The following MCM2 variants were observed in gnomAD, a reference collection of about 807,000 sequenced individuals.
The protein encoded by MCM2 is DNA replication licensing factor MCM2.
A neutral mutation model predicts 86.4 loss-of-function variants in MCM2; 49 were observed. That is an observed-to-expected ratio of 0.57 (90% CI 0.45 to 0.72). The LOEUF is 0.72. Among genes scored for constraint, MCM2 ranks in the 30% least tolerant of loss-of-function variants. The pLI is 0.00. For missense variants in MCM2, 1,038 were observed against 1,259.9 expected (o/e 0.82, Z 2.67); for synonymous variants, 475 against 484.6 (o/e 0.98, Z 0.26).
chr3:127,608,315 G>C, intron 6 of MCM2, 67 bp from the exon 7 acceptor site: 1 of 1,582,320 alleles, frequency 6.3e-7, no homozygotes, highest in Non-Finnish European at 8.6e-7. Flanking sequence ...TCTCCCTCCT[G>C]TTCGGGGGTC....
At chr3:127,621,491 G>A (rs750751885) in intron 15 of MCM2, among the ~76,000 whole-genome samples, 172 bp from the exon 16 acceptor site, 2 of 152,152 alleles carry the variant, frequency 1.3e-5, no homozygotes, top group Non-Finnish European at 2.9e-5. Context: ...CAGTTTACAC[G>A]CACAGCTTGT....
At chr3:127,598,655 G>C (rs981145119) in intron 1 of MCM2, among the ~76,000 whole-genome samples, 183 bp downstream of exon 1, 1 of 152,126 alleles carries the variant, frequency 6.6e-6, no homozygotes, top group Non-Finnish European at 1.5e-5. Flanking sequence ...CCACTGACCT[G>C]GGGCCCTGGG....
intron 8 of MCM2, among the ~76,000 whole-genome samples, chr3:127,613,795 T>C (rs952915139): frequency 6.6e-6 from 1 of 152,254 alleles, no homozygotes; most frequent in South Asian, 2.1e-4. Context: ...TAATTTATAA[T>C]GAACAGAAAT....
chr3:127,616,062 G>T (rs546121709), intron 9 of MCM2, 107 bp downstream of exon 9: 16 of 907,940 alleles, frequency 1.8e-5, no homozygotes, highest in South Asian at 5.6e-5. Flanking sequence ...TGGGGAGAAA[G>T]AATGCATTAA....
Position 127,608,942 on chromosome 3 carries a change from C to A in MCM2, c.1347C>A (p.Asn449Lys), listed in dbSNP as rs1181105984. ...ILANHVAKKD[N>K]KVAVGELTDE... ...CCAACCACGTGGCCAAGAAGGACAACAAGGTTGCTGTAGGGGAACTGACCG... is the reference window on the plus strand; with the variant it reads ...CCAACCACGTGGCCAAGAAGGACAAAAAGGTTGCTGTAGGGGAACTGACCG... Residue 449 changes from asparagine (N) to lysine (K), a missense_variant, in exon 8 of 16, where the codon AAC becomes AAA. Transcript: ENST00000265056. The A allele has an allele frequency of 6.2e-7, 1 of 1,614,128 alleles. No homozygotes were observed. The highest frequency in any genetic ancestry group is 1.7e-5 in the Admixed American group (1 of 60,022).
chr3:127,598,470 G>A lies in MCM2; in HGVS notation c.4G>A (p.Ala2Thr), dbSNP rs1180671901. The A allele has an allele frequency of 6.2e-7, 1 of 1,613,038 alleles. No homozygotes were observed. Among genetic ancestry groups the A allele is most frequent in the East Asian group, 2.2e-5 (1 of 44,804 alleles). Reference sequence around the variant, plus strand: ...CGGAGAGGATCGTGGTACTGCTATGGCGGTGAGCGCGCTGGCGCGTGGCGG... The same window carrying A: ...CGGAGAGGATCGTGGTACTGCTATGACGGTGAGCGCGCTGGCGCGTGGCGG... M[A>T]ESSESFTMAS... The change falls in exon 1 of 16, where the codon GCG becomes ACG. Residue 2 changes from alanine (A) to threonine (T), a missense_variant and splice_region_variant. Ala to Thr is a moderately conservative substitution (Grantham distance 58, BLOSUM62 0). Around this residue, in one of 4 missense-constraint regions of MCM2, gnomAD observed 300 missense variants for 307.4 expected, o/e 0.98. Coordinates refer to ENST00000265056, the MANE Select transcript of MCM2 (RefSeq NM_004526.4).
intron 4 of MCM2, 27 bp downstream of exon 4, chr3:127,605,183 A>G: frequency 6.2e-7 from 1 of 1,603,210 alleles, no homozygotes; most frequent in Non-Finnish European, 8.5e-7. Context: ...CCCCCGCCTC[A>G]GCCCCTGTAG....
rs1216127857 is a variant in MCM2 at position 127,618,367 on chromosome 3, A to G, written c.2013+286A>G. Among the ~76,000 whole-genome samples, 1 of 152,062 alleles carries G rather than the reference A, an allele frequency of 6.6e-6. No individual in the cohort carries two copies. Among genetic ancestry groups the G allele is most frequent in the African/African-American group, 2.4e-5 (1 of 41,376 alleles). ...CTCACTTCTGCCTCTGACTTGAGGC[A>G]CTACCATCATCTGAACTGGCCTCCT... On this transcript the variant is annotated intron_variant, in intron 12 of 15. Transcript: ENST00000265056. This position sits in a 1 kb window ranked among gnomAD's most constrained non-coding sequence, Gnocchi z 4.0.
Position 127,618,518 on chromosome 3 carries a change from G to A in MCM2, c.2013+437G>A, listed in dbSNP as rs1383540761. 1.3e-5 allele frequency among the ~76,000 whole-genome samples: 2 copies of A among 152,080 alleles called. No homozygotes were observed. Among genetic ancestry groups the A allele is most frequent in the Non-Finnish European group, 2.9e-5 (2 of 68,008 alleles). On this transcript the variant is annotated intron_variant, in intron 12 of 15. Transcript: ENST00000265056. This position sits in a 1 kb window ranked among gnomAD's most constrained non-coding sequence, Gnocchi z 4.0. ...GGGTCCTCCCCTCCGGCCCGCACCC[G>A]CCATCTCTGCAGCTACCTCCTCCTC...
Position 127,599,467 on chromosome 3 carries a change from G to A in MCM2, c.156G>A (p.Glu52=). ...GTGACCTTCCACCATTTGAGGATGA[G>A]TCCGAGGGGCTCCTAGGCACAGAGG... ...PGRDLPPFED[E]SEGLLGTEGP... is the part of the protein sequence containing the mutation. The change falls in exon 2 of 16, where the codon GAG becomes GAA. Residue 52 remains glutamate, a synonymous_variant. Transcript: ENST00000265056. 4 of 1,614,194 alleles carry A rather than the reference G, an allele frequency of 2.5e-6. No individual in the cohort carries two copies. Among genetic ancestry groups the A allele is most frequent in the Non-Finnish European group, 3.4e-6 (4 of 1,180,028 alleles).
intron 9 of MCM2, 28 bp from the exon 10 acceptor site, chr3:127,616,840 C>A: frequency 6.2e-7 from 1 of 1,602,716 alleles, no homozygotes; most frequent in Non-Finnish European, 8.5e-7. Flanking sequence ...CACTCTCCCC[C>A]TCCCCCGCTT....
intron 8 of MCM2, among the ~76,000 whole-genome samples, chr3:127,613,698 C>A (rs2074415120): frequency 6.6e-6 from 1 of 152,216 alleles, no homozygotes; most frequent in African/African-American, 2.4e-5. Context: ...CAGAAAATTT[C>A]AAACAGGTAT....
Position 127,618,802 on chromosome 3 carries a change from G to A in MCM2, c.2014-225G>A, listed in dbSNP as rs1366030560. On this transcript the variant is annotated intron_variant, in intron 12 of 15. Coordinates refer to ENST00000265056, the MANE Select transcript of MCM2 (RefSeq NM_004526.4). This position sits in a 1 kb window ranked among gnomAD's most constrained non-coding sequence, Gnocchi z 4.0. ...ATTACTTTCCATAATTAATTTTTAA[G>A]ACTATTTGTCTCCTGTCCCCTTGTG... Among the ~76,000 whole-genome samples the A allele has an allele frequency of 1.3e-5, 2 of 152,168 alleles. No homozygotes were observed. The highest frequency in any genetic ancestry group is 2.4e-5 in the African/African-American group (1 of 41,438).
chr3:127,598,425 C>T lies in MCM2; in HGVS notation c.-42C>T. 1 of 1,613,322 alleles carries T rather than the reference C, an allele frequency of 6.2e-7. No homozygotes were observed. Among genetic ancestry groups the T allele is most frequent in the East Asian group, 2.2e-5 (1 of 44,822 alleles). On this transcript the variant is annotated 5_prime_UTR_variant, in exon 1 of 16. Coordinates refer to ENST00000265056, the MANE Select transcript of MCM2 (RefSeq NM_004526.4). ...CACGTGAACCACTTTTCGCGCGAAA[C>T]CTGGTTGTTGCTGTAGTGGCGGAGA...
intron 6 of MCM2, among the ~76,000 whole-genome samples, chr3:127,607,147 C>T (rs532109254): frequency 1.3e-5 from 2 of 152,338 alleles, no homozygotes; most frequent in East Asian, 3.9e-4. Context: ...GTGTGCTTAC[C>T]AGTCTCCATG....
Position 127,621,879 on chromosome 3 carries a change from C to T in MCM2, c.*106C>T. On this transcript the variant is annotated 3_prime_UTR_variant, in exon 16 of 16. Transcript: ENST00000265056. Reference sequence around the variant, plus strand: ...CAGAGCACTTGATGAACTCGGGGTACTAGGGTCAGGGCTTATAGCAGGATG... The same window carrying T: ...CAGAGCACTTGATGAACTCGGGGTATTAGGGTCAGGGCTTATAGCAGGATG... 1.3e-6 allele frequency: 1 copy of T among 761,626 alleles called. No homozygotes were observed. The highest frequency in any genetic ancestry group is 2.2e-6 in the Non-Finnish European group (1 of 460,248). The allele number at this position is 761,626 out of a possible 1,614,324, so 47.2% of individuals were successfully genotyped here.
chr3:127,619,425 A>T, intron 13 of MCM2, 147 bp downstream of exon 13: 1 of 952,798 alleles, frequency 1.0e-6, no homozygotes, highest in Non-Finnish European at 1.5e-6. Flanking sequence ...GGTGCCAGGC[A>T]CAGTGGCTCA....
chr3:127,610,652 G>A lies in MCM2; in HGVS notation c.1428+1629G>A, dbSNP rs544069161. The A allele has an allele frequency of 3.3e-4, 128 of 387,482 alleles. 1 individual carries two copies. The highest frequency in any genetic ancestry group is 7.2e-4 in the East Asian group (10 of 13,816). The allele number at this position is 387,482 out of a possible 1,614,324, so 24.0% of individuals were successfully genotyped here. A position where few individuals can be genotyped will look rare whatever the true frequency, so the allele number is the denominator to read the frequency against. ...GTAGGCAGGGTAGTTTTGTGTCTCG[G>A]TTCCTTTTCTCAAGTGTATTGCGTG... On this transcript the variant is annotated intron_variant, in intron 8 of 15. Coordinates refer to ENST00000265056, the MANE Select transcript of MCM2 (RefSeq NM_004526.4).
chr3:127,606,469 G>A lies in MCM2; in HGVS notation c.893+132G>A. On this transcript the variant is annotated intron_variant, in intron 5 of 15. Transcript: ENST00000265056. This position sits in a 1 kb window ranked among gnomAD's most constrained non-coding sequence, Gnocchi z 4.2. ...AGCATCCTCATCGCAGGTGAGTTGTGGTTGCACAGGAGTGTGATGGGAGGG... is the reference window on the plus strand; with the variant it reads ...AGCATCCTCATCGCAGGTGAGTTGTAGTTGCACAGGAGTGTGATGGGAGGG... 1.7e-6 allele frequency: 2 copies of A among 1,169,316 alleles called. No individual in the cohort carries two copies. The highest frequency in any genetic ancestry group is 2.5e-6 in the Non-Finnish European group (2 of 813,580). 72.4% of individuals were successfully genotyped at this position (1,169,316 alleles called of 1,614,324 possible). A position where few individuals can be genotyped will look rare whatever the true frequency, so the allele number is the denominator to read the frequency against.
Sources: allele counts gnomAD v4.1 joint callset (sites outside exome capture counted in the v4.1 genomes callset), GRCh38; gene constraint gnomAD v4.1.1; regional missense constraint gnomAD v4.1.1; non-coding constraint Gnocchi (gnomAD v3.1); transcripts MANE v1.5; gene names NCBI Gene and HGNC (gene_info 2026-07-23, HGNC 2026-07-21).